RALB: variants seen among roughly 807,000 people sequenced by gnomAD.
RALB encodes RAS like proto-oncogene B.
In RALB, 16 loss-of-function variants were observed where a neutral mutation model predicts 21.3. That is an observed-to-expected ratio of 0.75 (90% CI 0.51 to 1.14). The LOEUF is 1.14. Ranked by LOEUF, RALB falls within the 50% of genes most tolerant of loss-of-function variation. The pLI is 0.00. For synonymous variants in RALB, 93 were observed against 96.1 expected (o/e 0.97, Z 0.19); for missense variants, 161 against 256.2 (o/e 0.63, Z 2.54).
intron 1 of RALB, among the ~76,000 whole-genome samples, chr2:120,273,742 A>G: frequency 6.6e-6 from 1 of 152,250 alleles, no homozygotes; most frequent in South Asian, 2.1e-4. Flanking sequence ...TTTCACTGTC[A>G]GAATCTTTGC....
At chr2:120,274,340 T>C (rs540047142) in intron 1 of RALB, among the ~76,000 whole-genome samples, 1 of 151,188 alleles carries the variant, frequency 6.6e-6, no homozygotes, top group African/African-American at 2.4e-5. Flanking sequence ...AGCTCACTTA[T>C]TTAAAAAAAA....
intron 1 of RALB, among the ~76,000 whole-genome samples, chr2:120,266,630 G>A (rs1689508703): frequency 6.6e-6 from 1 of 152,142 alleles, no homozygotes; most frequent in Admixed American, 6.5e-5. Context: ...AGGGTTGCTC[G>A]AGTCCCAAAG....
chr2:120,260,481 G>A (rs1689335297), intron 1 of RALB, among the ~76,000 whole-genome samples: 1 of 152,274 alleles, frequency 6.6e-6, no homozygotes, highest in Admixed American at 6.5e-5. Flanking sequence ...GAGCGGTCAG[G>A]GCTGCATCCT....
chr2:120,244,113 C>T (rs983287076), intron 1 of RALB, among the ~76,000 whole-genome samples: 1 of 152,180 alleles, frequency 6.6e-6, no homozygotes, highest in Non-Finnish European at 1.5e-5. Flanking sequence ...AAGAGCAACA[C>T]ACTTGCAAAC....
At chr2:120,240,252 G>A (rs552081148) in intron 1 of RALB, 114 of 775,936 alleles carry the variant, frequency 1.5e-4, no homozygotes, top group Non-Finnish European at 1.7e-4. Context: ...GGGTCACACA[G>A]CATGTACTCA....
chr2:120,258,462 G>A (rs1319492527), intron 1 of RALB, among the ~76,000 whole-genome samples: 1 of 152,218 alleles, frequency 6.6e-6, no homozygotes, highest in Non-Finnish European at 1.5e-5. Context: ...GCTGGAAGAA[G>A]GCAAGGAAAA....
intron 1 of RALB, among the ~76,000 whole-genome samples, chr2:120,258,877 T>C (rs1306812138): frequency 6.6e-6 from 1 of 152,062 alleles, no homozygotes; most frequent in Non-Finnish European, 1.5e-5. Flanking sequence ...TCGCGGTGAG[T>C]GTTACAGCTC....
At chr2:120,276,474 G>A (rs887610527) in intron 1 of RALB, among the ~76,000 whole-genome samples, 2 of 151,980 alleles carry the variant, frequency 1.3e-5, no homozygotes, top group Admixed American at 6.6e-5. Flanking sequence ...AGGGTGGTGC[G>A]TGCCTGTATT....
At chr2:120,264,534 A>G (rs1181623793) in intron 1 of RALB, among the ~76,000 whole-genome samples, 1 of 111,748 alleles carries the variant, frequency 8.9e-6, no homozygotes, top group Non-Finnish European at 1.9e-5. Context: ...ATTCAAGTCA[A>G]GGGTTTGTTT....
chr2:120,248,035 G>GGTGCCCCTC (rs1443272171), upstream of RALB, among the ~76,000 whole-genome samples: 36 of 152,324 alleles, frequency 2.4e-4, no homozygotes, highest in East Asian at 6.2e-3. Flanking sequence ...AGTGAGGCGA[G>GGTGCCCCTC]AACCTCTGGG....
upstream of RALB, among the ~76,000 whole-genome samples, chr2:120,247,812 T>C (rs1173160893): frequency 1.3e-5 from 2 of 152,224 alleles, no homozygotes; most frequent in Non-Finnish European, 2.9e-5. Flanking sequence ...CTCAGGAGTC[T>C]GAGCTTTTTT....
Position 120,278,996 on chromosome 2 carries a change from G to A in RALB, c.114+218G>A, listed in dbSNP as rs62168281. ...TTTCAACTCCGGCGGGGATGTGAGAGATCTCTGCTTGCATCGTTTCCATTG... is the reference window on the plus strand; with the variant it reads ...TTTCAACTCCGGCGGGGATGTGAGAAATCTCTGCTTGCATCGTTTCCATTG... On this transcript the variant is annotated intron_variant, in intron 2 of 4. Transcript: ENST00000272519. Among the ~76,000 whole-genome samples the A allele has an allele frequency of 2.3e-3, 347 of 152,322 alleles. 1 individual carries two copies. Among genetic ancestry groups the A allele is most frequent in the Non-Finnish European group, 4.2e-3 (286 of 68,024 alleles).
chr2:120,250,102 T>C (rs534429550), upstream of RALB, among the ~76,000 whole-genome samples: 1 of 152,382 alleles, frequency 6.6e-6, no homozygotes, highest in Non-Finnish European at 1.5e-5. Flanking sequence ...TGTAATGACA[T>C]AATTTGTAAT....
chr2:120,260,577 C>CAGAT (rs1433997877), intron 1 of RALB, among the ~76,000 whole-genome samples: 3 of 151,996 alleles, frequency 2.0e-5, no homozygotes, highest in East Asian at 1.9e-4. Flanking sequence ...GAAGTGCTGA[C>CAGAT]ATCTAGATGG....
At chr2:120,254,192 C>CT (rs1391872830) in intron 1 of RALB, among the ~76,000 whole-genome samples, 4 of 152,142 alleles carry the variant, frequency 2.6e-5, no homozygotes, top group African/African-American at 9.7e-5. Context: ...ATGTGGAGCA[C>CT]GATCTTTCCC....
intron 1 of RALB, among the ~76,000 whole-genome samples, chr2:120,278,019 GA>G (rs1310092827): frequency 7.8e-6 from 1 of 128,228 alleles, no homozygotes; most frequent in Non-Finnish European, 1.7e-5. Context: ...GAGCATGTGT[GA>G]ATGTGAATGT....
At chr2:120,266,486 A>G (rs1158932762) in intron 1 of RALB, among the ~76,000 whole-genome samples, 1 of 152,114 alleles carries the variant, frequency 6.6e-6, no homozygotes, top group African/African-American at 2.4e-5. Flanking sequence ...TGACCTCGTG[A>G]TCTGCCCACC....
intron 2 of RALB, 108 bp from the exon 3 acceptor site, chr2:120,285,766 G>A (rs2104654647): frequency 1.2e-6 from 1 of 842,658 alleles, no homozygotes; most frequent in Non-Finnish European, 1.9e-6. Flanking sequence ...TGTTGCTTCT[G>A]TAGTGTCCTG....
chr2:120,275,062 G>A (rs1424538266), intron 1 of RALB, among the ~76,000 whole-genome samples: 1 of 152,134 alleles, frequency 6.6e-6, no homozygotes, highest in Non-Finnish European at 1.5e-5. Context: ...TTACTTTATT[G>A]GCTTTAGAGG....
Sources: allele counts gnomAD v4.1 joint callset (sites outside exome capture counted in the v4.1 genomes callset), GRCh38; gene constraint gnomAD v4.1.1; transcripts MANE v1.5; gene names NCBI Gene and HGNC (gene_info 2026-07-23, HGNC 2026-07-21).